Variants in SNU13 observed in about 807,000 individuals in gnomAD.
SNU13 encodes NHP2-like protein 1.
A neutral mutation model predicts 12.4 loss-of-function variants in SNU13; 2 were observed. The observed-to-expected ratio is 0.16, with a 90% CI of 0.07 to 0.51. The LOEUF (loss-of-function observed/expected upper bound fraction) is 0.51. Ranked by LOEUF, SNU13 falls within the 20% of genes least tolerant of loss-of-function variation. SNU13 has a pLI of 0.96. For missense variants in SNU13, 66 were observed against 157.8 expected (o/e 0.42, Z 3.12); for synonymous variants, 68 against 66.5 (o/e 1.02, Z -0.11).
chr22:41,689,092 C>A, upstream of SNU13: 1 of 1,134,022 alleles, frequency 8.8e-7, no homozygotes. Flanking sequence ...CCGGCCGCAG[C>A]GGCTTATGGC....
upstream of SNU13, chr22:41,689,174 C>T (rs902386016): frequency 5.9e-6 from 5 of 844,766 alleles, no homozygotes; most frequent in Non-Finnish European, 7.2e-6. Context: ...CCAGCCTGGC[C>T]AACATGGCGA....
At chr22:41,678,152 T>C (rs2068230670) in intron 2 of SNU13, among the ~76,000 whole-genome samples, 1 of 152,032 alleles carries the variant, frequency 6.6e-6, no homozygotes, top group South Asian at 2.1e-4. Flanking sequence ...ATTTTTTGTA[T>C]TTTTGGTAGA....
At position 41,688,825 on chromosome 22, in the gene SNU13, TA is replaced by T. The variant is rs1440658728; in HGVS notation, c.-30del. The stretch of plus-strand genomic sequence containing the variant: ...TGCGGTTCCGCGGGCTCAGCACTCC[TA>T]GGGGAGCGCAGCTGACGTTTCAGAA... On this transcript the variant is annotated 5_prime_UTR_variant, in exon 1 of 3. Coordinates refer to ENST00000401959, the MANE Select transcript of SNU13 (RefSeq NM_001003796.2). 1.3e-6 allele frequency: 2 copies of T among 1,580,744 alleles called. No homozygotes were observed. The highest frequency in any genetic ancestry group is 1.7e-6 in the Non-Finnish European group (2 of 1,156,626).
intron 2 of SNU13, 104 bp downstream of exon 2, chr22:41,680,140 T>A: frequency 7.2e-7 from 1 of 1,379,500 alleles, no homozygotes; most frequent in South Asian, 1.7e-5. Context: ...CTGGTTGTAG[T>A]CGAGAGCAGC....
At chr22:41,682,840 G>T (rs991481864) in intron 1 of SNU13, among the ~76,000 whole-genome samples, 11 of 152,040 alleles carry the variant, frequency 7.2e-5, no homozygotes, top group African/African-American at 2.7e-4. Flanking sequence ...GTAGAGACGG[G>T]GTTTCACCAC....
chr22:41,676,476 C>T (rs1018717148), intron 2 of SNU13, among the ~76,000 whole-genome samples: 3 of 151,932 alleles, frequency 2.0e-5, no homozygotes, highest in Non-Finnish European at 4.4e-5. Context: ...ATAATTCTAC[C>T]TAACAGGATT....
chr22:41,676,735 T>A (rs1019214933), intron 2 of SNU13, among the ~76,000 whole-genome samples: 3 of 152,226 alleles, frequency 2.0e-5, no homozygotes, highest in Admixed American at 6.5e-5. Context: ...TCCAAGGTTT[T>A]AAGAGTCTAC....
chr22:41,676,887 T>C (rs917413279), intron 2 of SNU13, among the ~76,000 whole-genome samples: 1 of 152,226 alleles, frequency 6.6e-6, no homozygotes, highest in Admixed American at 6.5e-5. Flanking sequence ...AGTCTTTTTG[T>C]TTCTCTTAGT....
chr22:41,676,385 T>G (rs2068214504), intron 2 of SNU13, among the ~76,000 whole-genome samples: 1 of 152,182 alleles, frequency 6.6e-6, no homozygotes, highest in African/African-American at 2.4e-5. Flanking sequence ...ACTGTCTGAG[T>G]GCAAATGCTG....
chr22:41,678,177 G>A (rs1263599312), intron 2 of SNU13, among the ~76,000 whole-genome samples: 6 of 151,838 alleles, frequency 4.0e-5, no homozygotes, highest in Middle Eastern at 3.4e-3. Flanking sequence ...AGGTTTCACC[G>A]TGTTAGCCAG....
chr22:41,680,292 C>T lies in SNU13; in HGVS notation c.76G>A (p.Val26Ile), dbSNP rs1000596713. The change falls in exon 2 of 3, where the codon GTT becomes ATT. Residue 26 changes from valine to isoleucine, a missense_variant. Physicochemically the swap from Val to Ile is conservative, Grantham distance 29. Coordinates refer to ENST00000401959, the MANE Select transcript of SNU13 (RefSeq NM_001003796.2). ...AHLTKKLLDL[V>I]QQSCNYKQLR... is the part of the protein sequence containing the mutation. ...TGCTTATAGTTACATGACTGCTGAACGAGGTCCAGTAGCTTCTTGGTGAGG... is the reference window on the plus strand; with the variant it reads ...TGCTTATAGTTACATGACTGCTGAATGAGGTCCAGTAGCTTCTTGGTGAGG... 3.1e-6 allele frequency: 5 copies of T among 1,613,988 alleles called. No individual in the cohort carries two copies. Among genetic ancestry groups the T allele is most frequent in the South Asian group, 1.1e-5 (1 of 91,058 alleles).
intron 1 of SNU13, chr22:41,682,749 C>T (rs901794916): frequency 3.0e-5 from 8 of 262,718 alleles, no homozygotes; most frequent in Non-Finnish European, 5.8e-5. Flanking sequence ...GGCGCGATCT[C>T]GGCTCACTGC....
chr22:41,688,841 A>C lies in SNU13; in HGVS notation c.-45T>G, dbSNP rs770471718. 5.8e-6 allele frequency: 9 copies of C among 1,564,696 alleles called. No individual in the cohort carries two copies. The highest frequency in any genetic ancestry group is 7.9e-6 in the Non-Finnish European group (9 of 1,146,278). On this transcript the variant is annotated 5_prime_UTR_variant, in exon 1 of 3. Coordinates refer to ENST00000401959, the MANE Select transcript of SNU13 (RefSeq NM_001003796.2). ...CAGCACTCCTAGGGGAGCGCAGCTG[A>C]CGTTTCAGAAGCACTCGCGTGCACC...
chr22:41,677,736 T>C (rs2068226508), intron 2 of SNU13, among the ~76,000 whole-genome samples: 2 of 152,274 alleles, frequency 1.3e-5, no homozygotes, highest in East Asian at 1.9e-4. Context: ...GTGGCCTACA[T>C]GGTCTCATGT....
intron 1 of SNU13, among the ~76,000 whole-genome samples, chr22:41,684,694 T>C (rs2068295894): frequency 6.6e-6 from 1 of 152,216 alleles, no homozygotes; most frequent in Non-Finnish European, 1.5e-5. Flanking sequence ...TGGCCAATTT[T>C]CAAAAACGTT....
intron 1 of SNU13, among the ~76,000 whole-genome samples, chr22:41,682,043 T>C (rs1229946558): frequency 1.3e-5 from 2 of 152,174 alleles, no homozygotes; most frequent in African/African-American, 4.8e-5. Context: ...TATATTCATA[T>C]TATAACCCAG....
chr22:41,685,866 G>A (rs2068306119), intron 1 of SNU13, among the ~76,000 whole-genome samples: 1 of 151,690 alleles, frequency 6.6e-6, no homozygotes, highest in Admixed American at 6.6e-5. Context: ...TACTCGGGAG[G>A]CTGAAACAGG....
chr22:41,689,760 C>T (rs2068345255), upstream of SNU13, among the ~76,000 whole-genome samples: 1 of 151,886 alleles, frequency 6.6e-6, no homozygotes, highest in African/African-American at 2.4e-5. Context: ...GGCGGATCAC[C>T]TGAGGTTGGG....
upstream of SNU13, among the ~76,000 whole-genome samples, chr22:41,689,707 G>A (rs1036382053): frequency 6.6e-6 from 1 of 151,948 alleles, no homozygotes. Context: ...GCCGGGTGCG[G>A]TGGCTCACGC....
Sources: gnomAD v4.1 joint callset for allele counts (sites outside exome capture counted in the v4.1 genomes callset) on GRCh38, gnomAD v4.1.1 for gene constraint, MANE v1.5 for transcripts, NCBI Gene and HGNC (gene_info 2026-07-23, HGNC 2026-07-21) for gene names.